ELAVL2: variants seen among roughly 807,000 people sequenced by gnomAD.
ELAVL2 encodes the protein ELAV like RNA binding protein 2, also known as ELAV-like protein 2.
A neutral mutation model predicts 34.6 loss-of-function variants in ELAVL2; 4 were observed. That is an observed-to-expected ratio of 0.12 (90% confidence interval 0.06 to 0.26). The LOEUF is 0.26. Ranked by LOEUF, ELAVL2 falls within the 10% of genes least tolerant of loss-of-function variation. The probability of loss-of-function intolerance (pLI) is 1.00; values close to 1 mark genes in which losing one functional copy is unlikely to be tolerated. For synonymous variants in ELAVL2, 193 were observed against 154.8 expected (o/e 1.25, Z -1.83); for missense variants, 432 against 442.8 (o/e 0.98, Z 0.22).
chr9:23,743,459 C>CAA (rs1564216668), intron 2 of ELAVL2, among the ~76,000 whole-genome samples: 2 of 152,104 alleles, frequency 1.3e-5, no homozygotes, highest in Admixed American at 1.3e-4. Flanking sequence ...CATTAGGACA[C>CAA]AAAAGTAATG....
At chr9:23,778,230 G>A (rs981445731) in intron 1 of ELAVL2, among the ~76,000 whole-genome samples, 1 of 152,132 alleles carries the variant, frequency 6.6e-6, no homozygotes, top group African/African-American at 2.4e-5. Flanking sequence ...GAAGGACAAA[G>A]GAAAAGTGGC....
intron 1 of ELAVL2, among the ~76,000 whole-genome samples, chr9:23,804,353 T>A (rs2137790396): frequency 6.6e-6 from 1 of 152,184 alleles, no homozygotes; most frequent in Non-Finnish European, 1.5e-5. Context: ...TTTGAACACT[T>A]TCAAAGAAAA....
At chr9:23,770,516 A>G (rs1278475066) in intron 1 of ELAVL2, among the ~76,000 whole-genome samples, 1 of 152,220 alleles carries the variant, frequency 6.6e-6, no homozygotes, top group African/African-American at 2.4e-5. Flanking sequence ...GGTGGGCCTA[A>G]GGTAATTACA....
intron 3 of ELAVL2, among the ~76,000 whole-genome samples, chr9:23,728,609 T>C (rs563922815): frequency 6.6e-6 from 1 of 152,052 alleles, no homozygotes; most frequent in South Asian, 2.1e-4. Flanking sequence ...CCAGTATAGA[T>C]TAGACGAGGG....
chr9:23,725,859 A>G (rs76950535), intron 3 of ELAVL2, among the ~76,000 whole-genome samples: 2,479 of 152,290 alleles, frequency 0.016, 57 homozygotes, highest in East Asian at 0.13. Context: ...TTAGCAGACC[A>G]TGAAAAGCTT....
At chr9:23,732,235 T>C (rs2046754247) in intron 2 of ELAVL2, among the ~76,000 whole-genome samples, 8 of 152,166 alleles carry the variant, frequency 5.3e-5, no homozygotes, top group Admixed American at 5.2e-4. Flanking sequence ...GTGCAAGTGG[T>C]TATCAATGTG....
At chr9:23,791,732 T>C (rs2060346807) in intron 1 of ELAVL2, among the ~76,000 whole-genome samples, 2 of 152,154 alleles carry the variant, frequency 1.3e-5, no homozygotes, top group Non-Finnish European at 2.9e-5. Flanking sequence ...AGTGAGAAGG[T>C]GGCCTTCTGC....
At chr9:23,712,924 G>T (rs961559355) in intron 3 of ELAVL2, among the ~76,000 whole-genome samples, 2 of 152,206 alleles carry the variant, frequency 1.3e-5, no homozygotes, top group Non-Finnish European at 2.9e-5. Flanking sequence ...TGTAAGAACT[G>T]TATATCAAGC....
At chr9:23,816,317 TAAAAAAAAAAAAA>T (rs10717104) in intron 1 of ELAVL2, among the ~76,000 whole-genome samples, 4 of 44,696 alleles carry the variant, frequency 8.9e-5, no homozygotes, top group Non-Finnish European at 1.1e-4. Flanking sequence ...AAGCTTTCAG[TAAAAAAAAAAAAA>T]AAAAAAAAAA....
At chr9:23,837,331 C>G in the ELAVL2 span, among the ~76,000 whole-genome samples, 1 of 152,150 alleles carries the variant, frequency 6.6e-6, no homozygotes, top group Non-Finnish European at 1.5e-5. Flanking sequence ...GCAAAGATCT[C>G]TAGATGTGGA....
chr9:23,705,628 T>C (rs1340472284), intron 3 of ELAVL2, among the ~76,000 whole-genome samples: 1 of 152,174 alleles, frequency 6.6e-6, no homozygotes, highest in Non-Finnish European at 1.5e-5. Context: ...CCATGGACCA[T>C]GGTGGGGGAT....
At chr9:23,729,667 T>C (rs2046081374) in intron 3 of ELAVL2, among the ~76,000 whole-genome samples, 1 of 152,000 alleles carries the variant, frequency 6.6e-6, no homozygotes, top group African/African-American at 2.4e-5. Flanking sequence ...AAGAAGTATC[T>C]AGAATTCTTG....
At chr9:23,820,421 G>T (rs1466513331) in intron 1 of ELAVL2, among the ~76,000 whole-genome samples, 1 of 152,034 alleles carries the variant, frequency 6.6e-6, no homozygotes, top group Admixed American at 6.5e-5. Flanking sequence ...AAAGGAGAGT[G>T]GACAACTCGT....
At chr9:23,806,419 T>C (rs2062229702) in intron 1 of ELAVL2, among the ~76,000 whole-genome samples, 1 of 152,200 alleles carries the variant, frequency 6.6e-6, no homozygotes, top group East Asian at 1.9e-4. Flanking sequence ...AAGGATCCCT[T>C]GAGCCCAGGA....
At chr9:23,744,476 A>G (rs1442287575) in intron 2 of ELAVL2, among the ~76,000 whole-genome samples, 1 of 152,182 alleles carries the variant, frequency 6.6e-6, no homozygotes, top group Non-Finnish European at 1.5e-5. Context: ...TTATAAACTA[A>G]TCTCCTTTAT....
At chr9:23,696,408 T>G (rs1054291606) in intron 5 of ELAVL2, among the ~76,000 whole-genome samples, 10 of 152,152 alleles carry the variant, frequency 6.6e-5, no homozygotes, top group African/African-American at 2.4e-4. Context: ...CAAGGACTAC[T>G]ACAACAAGCC....
At chr9:23,705,134 C>G (rs754746993) in intron 3 of ELAVL2, 63 bp from the exon 4 acceptor site, 8 of 1,587,806 alleles carry the variant, frequency 5.0e-6, no homozygotes, top group Admixed American at 3.5e-5. Context: ...CCTTTAGAAA[C>G]TCAAAAACTG....
At chr9:23,765,222 T>C (rs988435962) in intron 1 of ELAVL2, 4 of 821,964 alleles carry the variant, frequency 4.9e-6, no homozygotes, top group East Asian at 2.9e-5. Context: ...TGTGGCTTAA[T>C]TGAAATTGAG....
At chr9:23,808,777 AAT>A (rs1441067872) in intron 1 of ELAVL2, among the ~76,000 whole-genome samples, 7 of 152,184 alleles carry the variant, frequency 4.6e-5, no homozygotes, top group Non-Finnish European at 7.4e-5. Flanking sequence ...GAGAGAAAGA[AAT>A]GTTAGCCATA....
Sources: allele counts gnomAD v4.1 joint callset (sites outside exome capture counted in the v4.1 genomes callset), GRCh38; gene constraint gnomAD v4.1.1; transcripts MANE v1.5; gene names NCBI Gene and HGNC (gene_info 2026-07-23, HGNC 2026-07-21).